SLC22A25: variants seen among roughly 807,000 people sequenced by gnomAD.
SLC22A25 encodes solute carrier family 22 member 25.
A neutral mutation model predicts 45.9 loss-of-function variants in SLC22A25; 44 were observed. The ratio of observed to expected loss-of-function variants is 0.96; its 90% CI spans 0.75 to 1.23. The LOEUF (loss-of-function observed/expected upper bound fraction) is 1.23. Among genes scored for constraint, SLC22A25 ranks in the 50% most tolerant of loss-of-function variants. SLC22A25 has a pLI of 0.00. For missense variants in SLC22A25, 800 were observed against 666.4 expected (o/e 1.20, Z -2.21); for synonymous variants, 283 against 238.6 (o/e 1.19, Z -1.72).
At chr11:63,233,917 T>A (rs1200686774) in intron 3 of SLC22A25, among the ~76,000 whole-genome samples, 1 of 152,236 alleles carries the variant, frequency 6.6e-6, no homozygotes, top group African/African-American at 2.4e-5. Flanking sequence ...CAGGAGCAGG[T>A]TTTTCAGTTT....
At chr11:63,169,447 G>A (rs1227324981) in intron 9 of SLC22A25, among the ~76,000 whole-genome samples, 1 of 152,032 alleles carries the variant, frequency 6.6e-6, no homozygotes, top group Non-Finnish European at 1.5e-5. Context: ...ACACACATAG[G>A]TTCAAAATAA....
chr11:63,204,568 C>G (rs1199456457), intron 7 of SLC22A25, among the ~76,000 whole-genome samples: 1 of 152,164 alleles, frequency 6.6e-6, no homozygotes, highest in Non-Finnish European at 1.5e-5. Context: ...CAAAGAAAGG[C>G]ATTACATAAT....
chr11:63,196,333 G>A (rs546349719), intron 7 of SLC22A25, among the ~76,000 whole-genome samples: 1 of 152,292 alleles, frequency 6.6e-6, no homozygotes, highest in Admixed American at 6.5e-5. Flanking sequence ...TATCCCTGAT[G>A]AACATCGATG....
At chr11:63,219,970 A>G (rs2089813996) in intron 5 of SLC22A25, 3 of 1,289,288 alleles carry the variant, frequency 2.3e-6, no homozygotes, top group Middle Eastern at 2.1e-4. Flanking sequence ...TGGGCACCTC[A>G]AGTCCCTCGT....
chr11:63,241,416 G>C (rs1193892), intron 1 of SLC22A25, among the ~76,000 whole-genome samples: 77,579 of 151,818 alleles, frequency 0.51, 20,759 homozygotes, highest in African/African-American at 0.67. Context: ...CCATGTAATA[G>C]AAAGACCTTC....
chr11:63,186,388 A>G (rs9734768), intron 7 of SLC22A25, among the ~76,000 whole-genome samples: 72,465 of 148,260 alleles, frequency 0.49, 18,354 homozygotes, highest in African/African-American at 0.6. Context: ...TTTTGTTGGG[A>G]TTGTTTGTTT....
At chr11:63,176,194 C>T (rs1443020377) in intron 9 of SLC22A25, among the ~76,000 whole-genome samples, 1 of 151,938 alleles carries the variant, frequency 6.6e-6, no homozygotes, top group Admixed American at 6.6e-5. Context: ...GTAGTTTTAT[C>T]TATTCTAAAA....
intron 5 of SLC22A25, among the ~76,000 whole-genome samples, chr11:63,219,293 A>AC (rs2089795296): frequency 7.8e-6 from 1 of 128,810 alleles, no homozygotes; most frequent in South Asian, 3.0e-4. Flanking sequence ...TGGCAATTTT[A>AC]CCAACTGCTA....
intron 5 of SLC22A25, among the ~76,000 whole-genome samples, chr11:63,224,959 CG>C (rs2089928090): frequency 6.6e-6 from 1 of 151,954 alleles, no homozygotes; most frequent in Admixed American, 6.6e-5. Flanking sequence ...ATTAGCCAGG[CG>C]TGGTGGCGGG....
intron 3 of SLC22A25, among the ~76,000 whole-genome samples, chr11:63,234,755 T>C (rs1481614491): frequency 2.6e-5 from 4 of 152,346 alleles, no homozygotes; most frequent in African/African-American, 9.6e-5. Context: ...CAATTTGGCA[T>C]GTTGTTGCAG....
chr11:63,189,012 T>A (rs2088682226), intron 7 of SLC22A25, among the ~76,000 whole-genome samples: 1 of 152,174 alleles, frequency 6.6e-6, no homozygotes, highest in South Asian at 2.1e-4. Context: ...CTGAGAAGAA[T>A]GTATATTCTG....
Position 63,197,144 on chromosome 11 carries a change from T to C in SLC22A25, c.831-13327A>G, listed in dbSNP as rs578015065. On this transcript the variant is annotated intron_variant, in intron 7 of 11. Transcript: ENST00000306494. ...TGGAACACCATTCCATGCTTCTGGATAGGAAGAATCAGTATCGTGAAGATG... is the reference window on the plus strand; with the variant it reads ...TGGAACACCATTCCATGCTTCTGGACAGGAAGAATCAGTATCGTGAAGATG... Among the ~76,000 whole-genome samples the C allele has an allele frequency of 3.6e-4, 55 of 152,318 alleles. No individual in the cohort carries two copies. The South Asian group carries it at 7.0e-3, about 19-fold the overall frequency.
intron 7 of SLC22A25, among the ~76,000 whole-genome samples, chr11:63,198,822 A>G (rs564997069): frequency 3.9e-4 from 60 of 152,294 alleles, no homozygotes; most frequent in Non-Finnish European, 4.4e-4. Flanking sequence ...AAGTAAGGAA[A>G]TTATGGCAGA....
intron 5 of SLC22A25, among the ~76,000 whole-genome samples, chr11:63,221,874 A>G (rs1393955649): frequency 1.3e-5 from 2 of 152,068 alleles, no homozygotes; most frequent in Non-Finnish European, 2.9e-5. Flanking sequence ...AGCATTGTGT[A>G]TTAAAGAGAC....
At chr11:63,195,755 A>G (rs944785735) in intron 7 of SLC22A25, among the ~76,000 whole-genome samples, 4 of 152,222 alleles carry the variant, frequency 2.6e-5, no homozygotes, top group African/African-American at 9.6e-5. Flanking sequence ...AACTAAGATC[A>G]GAGCAGAACT....
intron 9 of SLC22A25, among the ~76,000 whole-genome samples, chr11:63,173,237 G>A (rs2087955725): frequency 1.3e-5 from 2 of 151,442 alleles, no homozygotes; most frequent in South Asian, 4.2e-4. Flanking sequence ...GGCAAGGGGT[G>A]GGAGAGCATT....
At chr11:63,222,287 C>T (rs926891238) in intron 5 of SLC22A25, among the ~76,000 whole-genome samples, 2 of 151,910 alleles carry the variant, frequency 1.3e-5, no homozygotes, top group Non-Finnish European at 2.9e-5. Flanking sequence ...TTTTTGGTGT[C>T]CCATTCAATT....
rs1040387328 is a variant in SLC22A25, at chr11:63,229,993, C to G, written c.-341G>C. Reference sequence around the variant, plus strand: ...AATAGCAGCATTGAACTTTGGTCTGCACATTTTTTTGTAAACAAACTAAAA... The same window carrying G: ...AATAGCAGCATTGAACTTTGGTCTGGACATTTTTTTGTAAACAAACTAAAA... On this transcript the variant is annotated 5_prime_UTR_variant, in exon 4 of 12. Coordinates refer to ENST00000306494, the MANE Select transcript of SLC22A25 (RefSeq NM_199352.6). Among the ~76,000 whole-genome samples, 1 of 152,202 alleles carries G rather than the reference C, an allele frequency of 6.6e-6. No individual in the cohort carries two copies. The highest frequency in any genetic ancestry group is 2.4e-5 in the African/African-American group (1 of 41,450).
At chr11:63,237,359 T>C (rs1345291882) in intron 3 of SLC22A25, among the ~76,000 whole-genome samples, 1 of 152,092 alleles carries the variant, frequency 6.6e-6, no homozygotes, top group Non-Finnish European at 1.5e-5. Flanking sequence ...GTGAATAGGT[T>C]CATGTGGATA....
Sources: allele counts gnomAD v4.1 joint callset (sites outside exome capture counted in the v4.1 genomes callset), GRCh38; gene constraint gnomAD v4.1.1; transcripts MANE v1.5; gene names NCBI Gene and HGNC (gene_info 2026-07-23, HGNC 2026-07-21).